Variants in CDKAL1 observed in about 807,000 individuals in gnomAD.
CDKAL1 encodes the protein threonylcarbamoyladenosine tRNA methylthiotransferase.
A neutral mutation model predicts 68.2 loss-of-function variants in CDKAL1; 32 were observed. That is an observed-to-expected ratio of 0.47 (90% CI 0.35 to 0.63). The LOEUF (loss-of-function observed/expected upper bound fraction) is 0.63. Ranked by LOEUF, CDKAL1 falls within the 30% of genes least tolerant of loss-of-function variation. The probability of loss-of-function intolerance (pLI) is 0.00; values close to 1 mark genes in which losing one functional copy is unlikely to be tolerated. For missense variants in CDKAL1, 606 were observed against 696.7 expected (o/e 0.87, Z 1.47); for synonymous variants, 234 against 244.3 (o/e 0.96, Z 0.39).
chr6:20,891,121 T>A (rs73735014), intron 9 of CDKAL1, among the ~76,000 whole-genome samples: 4,606 of 152,266 alleles, frequency 0.03, 224 homozygotes, highest in African/African-American at 0.1. Context: ...GCCTCAGAGC[T>A]CTTGGCTTAA....
chr6:20,725,607 A>G (rs1422138038), intron 5 of CDKAL1, among the ~76,000 whole-genome samples: 1 of 151,902 alleles, frequency 6.6e-6, no homozygotes, highest in Non-Finnish European at 1.5e-5. Flanking sequence ...CAACATGGAG[A>G]AACCCTGTCT....
intron 9 of CDKAL1, among the ~76,000 whole-genome samples, chr6:20,909,299 C>G (rs1762365878): frequency 6.6e-6 from 1 of 151,698 alleles, no homozygotes; most frequent in Admixed American, 6.6e-5. Context: ...ACATCTAGTA[C>G]AAGAAGAAAA....
At chr6:21,013,855 T>C (rs1395591296) in intron 11 of CDKAL1, among the ~76,000 whole-genome samples, 1 of 152,120 alleles carries the variant, frequency 6.6e-6, no homozygotes, top group African/African-American at 2.4e-5. Context: ...TAAAACAGTG[T>C]CTCAGACAAG....
intron 5 of CDKAL1, among the ~76,000 whole-genome samples, chr6:20,712,553 A>G (rs936655325): frequency 6.6e-6 from 1 of 152,092 alleles, no homozygotes; most frequent in African/African-American, 2.4e-5. Flanking sequence ...TTAAAAAAAG[A>G]AAAGAAAAAA....
chr6:20,652,328 C>T (rs947753550), intron 5 of CDKAL1, among the ~76,000 whole-genome samples: 2 of 152,152 alleles, frequency 1.3e-5, no homozygotes, highest in African/African-American at 4.8e-5. Context: ...CTTTTCCCTG[C>T]CCATTAGCAC....
intron 12 of CDKAL1, among the ~76,000 whole-genome samples, chr6:21,080,381 A>G (rs1447004311): frequency 6.6e-6 from 1 of 152,220 alleles, no homozygotes; most frequent in Non-Finnish European, 1.5e-5. Flanking sequence ...AATGCTCTCC[A>G]GCAGTGTAAA....
intron 13 of CDKAL1, among the ~76,000 whole-genome samples, chr6:21,160,459 A>G (rs551064727): frequency 8.2e-4 from 124 of 151,052 alleles, no homozygotes; most frequent in African/African-American, 2.9e-3. Flanking sequence ...CACCATGCCC[A>G]GCTAATTTTT....
chr6:20,548,841 G>A (rs1225077788), intron 4 of CDKAL1, 136 bp downstream of exon 4: 2 of 524,034 alleles, frequency 3.8e-6, no homozygotes, highest in African/African-American at 2.0e-5. Context: ...TACACATTTT[G>A]TAGATAACCA....
chr6:20,784,408 A>ATTTGTTTT (rs1402113263), intron 8 of CDKAL1, among the ~76,000 whole-genome samples: 2 of 23,008 alleles, frequency 8.7e-5, no homozygotes, highest in Admixed American at 5.5e-4. Flanking sequence ...CAGATATTTT[A>ATTTGTTTT]TTTCTTTTTT....
intron 15 of CDKAL1, among the ~76,000 whole-genome samples, chr6:21,229,459 C>A (rs547310540): frequency 1.7e-4 from 26 of 152,266 alleles, no homozygotes; most frequent in African/African-American, 6.0e-4. Context: ...GTTCCTGTTA[C>A]CTTCTGCAAA....
At chr6:21,124,579 C>A (rs766932539) in intron 13 of CDKAL1, among the ~76,000 whole-genome samples, 1 of 151,818 alleles carries the variant, frequency 6.6e-6, no homozygotes, top group African/African-American at 2.4e-5. Context: ...TTACCCACTA[C>A]TTTTGATTGT....
intron 4 of CDKAL1, among the ~76,000 whole-genome samples, chr6:20,640,861 G>A (rs1768140622): frequency 6.6e-6 from 1 of 151,916 alleles, no homozygotes; most frequent in African/African-American, 2.4e-5. Context: ...TATAAAATTG[G>A]AATAAAAATG....
At chr6:20,861,666 A>G (rs1220509954) in intron 9 of CDKAL1, among the ~76,000 whole-genome samples, 1 of 152,186 alleles carries the variant, frequency 6.6e-6, no homozygotes, top group Non-Finnish European at 1.5e-5. Flanking sequence ...TGGCTTGCAC[A>G]TGTGTCTTGC....
intron 4 of CDKAL1, among the ~76,000 whole-genome samples, chr6:20,626,198 T>C (rs1767425838): frequency 6.6e-6 from 1 of 152,168 alleles, no homozygotes; most frequent in Non-Finnish European, 1.5e-5. Context: ...TTCCAATGCC[T>C]CTGTTATATG....
chr6:20,873,037 T>A (rs1473980287), intron 9 of CDKAL1, among the ~76,000 whole-genome samples: 1 of 152,200 alleles, frequency 6.6e-6, no homozygotes, highest in Non-Finnish European at 1.5e-5. Context: ...TAGTGTTGTC[T>A]TTATTTGTAG....
intron 4 of CDKAL1, among the ~76,000 whole-genome samples, chr6:20,642,568 CTG>C (rs1287448979): frequency 6.6e-6 from 1 of 151,790 alleles, no homozygotes; most frequent in African/African-American, 2.4e-5. Context: ...TACACCCTCA[CTG>C]TTGTTTTTCA....
intron 9 of CDKAL1, among the ~76,000 whole-genome samples, chr6:20,864,821 A>AG (rs1345613635): frequency 6.6e-6 from 1 of 152,196 alleles, no homozygotes; most frequent in Admixed American, 6.5e-5. Context: ...TTCCTAAATA[A>AG]GTAAAAGTTT....
intron 11 of CDKAL1, among the ~76,000 whole-genome samples, chr6:21,034,281 C>T (rs1411894349): frequency 6.6e-6 from 1 of 152,188 alleles, no homozygotes; most frequent in African/African-American, 2.4e-5. Flanking sequence ...CAAAACTCTG[C>T]TGTTGCCAGA....
intron 13 of CDKAL1, among the ~76,000 whole-genome samples, chr6:21,128,839 A>C (rs1775145240): frequency 6.6e-6 from 1 of 152,216 alleles, no homozygotes; most frequent in South Asian, 2.1e-4. Flanking sequence ...ATATTCCATC[A>C]ATCTTTCTGT....
Sources: gnomAD v4.1 joint callset for allele counts (sites outside exome capture counted in the v4.1 genomes callset) on GRCh38, gnomAD v4.1.1 for gene constraint, MANE v1.5 for transcripts, NCBI Gene and HGNC (gene_info 2026-07-23, HGNC 2026-07-21) for gene names.